Variants in LRRK1 observed in about 807,000 individuals in gnomAD.
The protein encoded by LRRK1 is leucine-rich repeat serine/threonine-protein kinase 1.
A neutral mutation model predicts 209.1 loss-of-function variants in LRRK1; 113 were observed. That is an observed-to-expected ratio of 0.54 (90% CI 0.46 to 0.63). The LOEUF is 0.63. LRRK1 is among the 30% of genes least tolerant of loss of function. The probability of loss-of-function intolerance (pLI) is 0.00; values close to 1 mark genes in which losing one functional copy is unlikely to be tolerated. For synonymous variants in LRRK1, 1,144 were observed against 1,099.7 expected (o/e 1.04, Z -0.80); for missense variants, 2,284 against 2,632.2 (o/e 0.87, Z 2.89).
chr15:101,067,194 G>A (rs1762469586), intron 33 of LRRK1: 2 of 452,162 alleles, frequency 4.4e-6, no homozygotes, highest in Middle Eastern at 3.3e-4. Context: ...TGCCCTTCCT[G>A]GGCTGAGACA....
intron 2 of LRRK1, among the ~76,000 whole-genome samples, chr15:100,932,952 G>A (rs1019777966): frequency 2.0e-5 from 3 of 152,194 alleles, no homozygotes; most frequent in Non-Finnish European, 4.4e-5. Flanking sequence ...GAGACCCAGT[G>A]TTCTGTGGAG....
At chr15:100,924,370 C>T (rs986414216) in intron 1 of LRRK1, 141 bp from the exon 2 acceptor site, 15 of 480,500 alleles carry the variant, frequency 3.1e-5, no homozygotes, top group Non-Finnish European at 5.3e-5. Context: ...CCACTGACCA[C>T]ACCTGATGGG....
chr15:100,972,359 AGAGAGTGT>A lies in LRRK1; in HGVS notation c.98-1443_98-1436del, dbSNP rs1437634732. Among the ~76,000 whole-genome samples, 813 of 86,856 alleles carry A rather than the reference AGAGAGTGT, an allele frequency of 9.4e-3. 8 individuals carry two copies. Among genetic ancestry groups the A allele is most frequent in the African/African-American group, 0.036 (710 of 19,870 alleles). 57.0% of individuals were successfully genotyped at this position (86,856 alleles called of 152,430 possible). ...ATGAGAGAGAGAGAGAGAGAGAGAGAGAGAGTGTGTGTGTGTGTGTGTGTGTGTGTGTG... is the reference window on the plus strand; with the variant it reads ...ATGAGAGAGAGAGAGAGAGAGAGAGAGTGTGTGTGTGTGTGTGTGTGTGTG... On this transcript the variant is annotated intron_variant, in intron 2 of 33. Transcript: ENST00000388948.
chr15:100,962,391 G>A (rs937561796), intron 2 of LRRK1, among the ~76,000 whole-genome samples: 24 of 152,148 alleles, frequency 1.6e-4, no homozygotes, highest in Admixed American at 7.9e-4. Flanking sequence ...TCGGCTGGGC[G>A]TGGTGGCAAA....
Position 101,058,159 on chromosome 15 carries a change from G to T in LRRK1, c.4679+18G>T, listed in dbSNP as rs1183912665. On this transcript the variant is annotated intron_variant, in intron 29 of 33. Transcript: ENST00000388948. ...GAGTCCAGGTAAGCTCCTGCGGGCT[G>T]CCCTGCCCCCTTTGTATTTGGGGTG... The T allele has an allele frequency of 6.2e-7, 1 of 1,611,686 alleles. No individual in the cohort carries two copies. The highest frequency in any genetic ancestry group is 2.2e-5 in the East Asian group (1 of 44,830).
intron 3 of LRRK1, among the ~76,000 whole-genome samples, chr15:100,978,899 G>C (rs4965352): frequency 0.95 from 144,030 of 152,234 alleles, 68,153 homozygotes; most frequent in East Asian, 1. Flanking sequence ...TTTTATGAAG[G>C]CTGTATTACC....
In LRRK1 at chr15:101,026,090, C is replaced by T. The variant is rs370178353; in HGVS notation, c.2358C>T (p.Ser786=). Residue 786 remains serine, a synonymous_variant, in exon 17 of 34, where the codon TCC becomes TCT. Coordinates refer to ENST00000388948, the MANE Select transcript of LRRK1 (RefSeq NM_024652.6). ...TGCTGGCACTCTGCCGCTCCCCCTC[C>T]GGCTCCAGGGCCACAGGCTTCCCAG... The part of the protein sequence containing the change: ...AYVLALCRSP[S]GSRATGFPDI... 1.5e-5 allele frequency: 25 copies of T among 1,614,138 alleles called. No homozygotes were observed. Among genetic ancestry groups the T allele is most frequent in the African/African-American group, 2.7e-5 (2 of 74,958 alleles).
At chr15:101,015,708 A>C (rs2033504998) in intron 12 of LRRK1, among the ~76,000 whole-genome samples, 1 of 152,280 alleles carries the variant, frequency 6.6e-6, no homozygotes, top group East Asian at 1.9e-4. Context: ...CATATGTGAG[A>C]GTTTCTCATC....
At chr15:100,978,091 A>C (rs1407145209) in intron 3 of LRRK1, among the ~76,000 whole-genome samples, 1 of 149,794 alleles carries the variant, frequency 6.7e-6, no homozygotes, top group Non-Finnish European at 1.5e-5. Flanking sequence ...TTTTAAAATT[A>C]AAAAAAAACT....
Position 101,058,063 on chromosome 15 carries a change from G to A in LRRK1, c.4601G>A (p.Cys1534Tyr), listed in dbSNP as rs2141146664. 1.2e-6 allele frequency: 2 copies of A among 1,614,178 alleles called. No individual in the cohort carries two copies. The highest frequency in any genetic ancestry group is 8.5e-7 in the Non-Finnish European group (1 of 1,180,024). The change falls in exon 29 of 34, where the codon TGT (cysteine) becomes TAT (tyrosine). Residue 1534 changes from cysteine (C) to tyrosine (Y), a missense_variant. Cys to Tyr is a radical substitution (Grantham distance 194). Coordinates refer to ENST00000388948, the MANE Select transcript of LRRK1 (RefSeq NM_024652.6). ...TFATFMYELCCGKQTAFFSSQ... is the reference protein window; with the variant it reads ...TFATFMYELCYGKQTAFFSSQ... Reference sequence around the variant, plus strand: ...GCCACCTTCATGTATGAACTGTGCTGTGGGAAGCAGACAGCCTTCTTCTCA... The same window carrying A: ...GCCACCTTCATGTATGAACTGTGCTATGGGAAGCAGACAGCCTTCTTCTCA...
At position 101,025,961 on chromosome 15, in the gene LRRK1, G is replaced by GC; in HGVS notation, c.2233-3dup. 6.2e-7 allele frequency: 1 copy of GC among 1,614,108 alleles called. No individual in the cohort carries two copies. Among genetic ancestry groups the GC allele is most frequent in the Non-Finnish European group, 8.5e-7 (1 of 1,180,036 alleles). ...GTACTCAGCCGTGGGGTTCTCTGTTGCAGGCCAAGGCCCCAAACGCCGTGG... is the reference window on the plus strand; with the variant it reads ...GTACTCAGCCGTGGGGTTCTCTGTTGCCAGGCCAAGGCCCCAAACGCCGTGG... On this transcript the variant is annotated splice_polypyrimidine_tract_variant and splice_region_variant and intron_variant, in intron 16 of 33. Coordinates refer to ENST00000388948, the MANE Select transcript of LRRK1 (RefSeq NM_024652.6).
At chr15:101,010,366 C>A in intron 7 of LRRK1, 84 bp from the exon 8 acceptor site, 2 of 1,470,858 alleles carry the variant, frequency 1.4e-6, no homozygotes, top group Non-Finnish European at 1.8e-6. Context: ...AAAAAAAATA[C>A]ACCTCTTGGT....
intron 2 of LRRK1, among the ~76,000 whole-genome samples, chr15:100,935,402 C>T (rs1400831155): frequency 1.3e-5 from 2 of 152,122 alleles, no homozygotes; most frequent in East Asian, 3.8e-4. Flanking sequence ...GGCTGGGCAG[C>T]GGGAATGAGC....
intron 6 of LRRK1, among the ~76,000 whole-genome samples, chr15:101,002,974 C>T (rs1188894154): frequency 2.0e-5 from 3 of 152,212 alleles, no homozygotes; most frequent in Non-Finnish European, 4.4e-5. Context: ...TCAAGTGATC[C>T]ACCTGCCTTG....
In LRRK1 at chr15:101,027,005, G is replaced by A. The variant is rs876626; in HGVS notation, c.2406-256G>A. 0.64 allele frequency among the ~76,000 whole-genome samples: 97,851 copies of A among 151,958 alleles called. 33,113 individuals carry two copies. The highest frequency in any genetic ancestry group is 0.79 in the South Asian group (3,784 of 4,814). On this transcript the variant is annotated intron_variant, in intron 17 of 33. Coordinates refer to ENST00000388948, the MANE Select transcript of LRRK1 (RefSeq NM_024652.6). The surrounding 1 kb of genome is among the most constrained non-coding windows in gnomAD (Gnocchi z 5.1). ...CCAGCCTGTACCCTTGGGGGTCTCGGTGTACCTCTGCACCTCACTTTCCTC... is the reference window on the plus strand; with the variant it reads ...CCAGCCTGTACCCTTGGGGGTCTCGATGTACCTCTGCACCTCACTTTCCTC...
chr15:100,922,496 G>C (rs1311049448), intron 1 of LRRK1, among the ~76,000 whole-genome samples: 1 of 152,056 alleles, frequency 6.6e-6, no homozygotes, highest in Admixed American at 6.5e-5. Context: ...CTGTTTTCAG[G>C]AAGAATGTCT....
At chr15:101,043,242 G>A (rs1182870770) in intron 20 of LRRK1, among the ~76,000 whole-genome samples, 2 of 152,234 alleles carry the variant, frequency 1.3e-5, no homozygotes, top group African/African-American at 2.4e-5. Flanking sequence ...CAGAGACCCG[G>A]CCACCTGGGA....
At position 100,919,781 on chromosome 15, in the gene LRRK1, T is replaced by C. The variant is rs116148129; in HGVS notation, c.-123+330T>C. Among the ~76,000 whole-genome samples the C allele has an allele frequency of 0.072, 10,925 of 151,808 alleles. 1,251 individuals are homozygous for C. Among genetic ancestry groups the C allele is most frequent in the African/African-American group, 0.25 (10,152 of 41,382 alleles). ...CCCGTCCGGGCAGGGTCGGGAAAGCTGGGAAGCGGAGGCAAGAGACACGAG... is the reference window on the plus strand; with the variant it reads ...CCCGTCCGGGCAGGGTCGGGAAAGCCGGGAAGCGGAGGCAAGAGACACGAG... On this transcript the variant is annotated intron_variant, in intron 1 of 33. Coordinates refer to ENST00000388948, the MANE Select transcript of LRRK1 (RefSeq NM_024652.6). The surrounding 1 kb of genome is among the most constrained non-coding windows in gnomAD (Gnocchi z 5.8).
chr15:100,944,815 A>G (rs1478371775), intron 2 of LRRK1, among the ~76,000 whole-genome samples: 2 of 152,260 alleles, frequency 1.3e-5, no homozygotes, highest in Non-Finnish European at 2.9e-5. Flanking sequence ...TGAAAATGTC[A>G]TACGGTCTTA....
Sources: allele counts gnomAD v4.1 joint callset (sites outside exome capture counted in the v4.1 genomes callset), GRCh38; gene constraint gnomAD v4.1.1; non-coding constraint Gnocchi (gnomAD v3.1); transcripts MANE v1.5; gene names NCBI Gene and HGNC (gene_info 2026-07-23, HGNC 2026-07-21).